The following PLXNA4 variants were observed in gnomAD, a reference collection of about 807,000 sequenced individuals.
PLXNA4 encodes plexin A4, also known as plexin-A4.
A neutral mutation model predicts 191.8 loss-of-function variants in PLXNA4; 44 were observed. The observed-to-expected ratio is 0.23, with a 90% CI of 0.18 to 0.29. The LOEUF (loss-of-function observed/expected upper bound fraction) is 0.29, where lower values mean the gene tolerates loss of function less well. Among genes scored for constraint, PLXNA4 ranks in the 10% least tolerant of loss-of-function variants. The pLI is 1.00. For missense variants in PLXNA4, 1,800 were observed against 2,488.8 expected (o/e 0.72, Z 5.89); for synonymous variants, 1,082 against 1,009.5 (o/e 1.07, Z -1.36).
At chr7:132,410,586 A>G (rs534527594) in intron 3 of PLXNA4, among the ~76,000 whole-genome samples, 2 of 152,320 alleles carry the variant, frequency 1.3e-5, no homozygotes, top group Admixed American at 6.5e-5. Context: ...TGACAACCAG[A>G]GAGGCTGGTG....
chr7:132,268,405 A>G (rs780100437), intron 4 of PLXNA4, among the ~76,000 whole-genome samples: 5 of 152,168 alleles, frequency 3.3e-5, no homozygotes, highest in Non-Finnish European at 5.9e-5. Context: ...TCCCAAATAT[A>G]AGACTGGCTT....
intron 1 of PLXNA4, among the ~76,000 whole-genome samples, chr7:132,556,338 G>T (rs74513854): frequency 6.6e-6 from 1 of 152,010 alleles, no homozygotes; most frequent in Non-Finnish European, 1.5e-5. Context: ...ACCCTTCCCC[G>T]GCACACTAGT....
intron 8 of PLXNA4, 148 bp from the exon 9 acceptor site, chr7:132,223,789 A>G: frequency 1.6e-6 from 1 of 633,090 alleles, no homozygotes. Flanking sequence ...ATGCACATCT[A>G]TCCCTTTACT....
At chr7:132,376,587 C>A (rs551556056) in intron 3 of PLXNA4, among the ~76,000 whole-genome samples, 1 of 152,192 alleles carries the variant, frequency 6.6e-6, no homozygotes, top group Non-Finnish European at 1.5e-5. Context: ...TCCCAGGAAG[C>A]GATTTGCTCA....
intron 3 of PLXNA4, among the ~76,000 whole-genome samples, chr7:132,414,749 T>C (rs977090182): frequency 6.6e-6 from 1 of 152,112 alleles, no homozygotes; most frequent in Non-Finnish European, 1.5e-5. Context: ...ACAGAGACAC[T>C]GGCAAGAGGC....
intron 17 of PLXNA4, 49 bp downstream of exon 17, chr7:132,182,048 A>T (rs1481569875): frequency 6.2e-7 from 1 of 1,613,604 alleles, no homozygotes; most frequent in South Asian, 1.1e-5. Flanking sequence ...TTGGGGAAGC[A>T]ACGTGTTGCA....
chr7:132,282,437 G>A (rs1279122474), intron 4 of PLXNA4, among the ~76,000 whole-genome samples: 1 of 151,290 alleles, frequency 6.6e-6, no homozygotes, highest in South Asian at 2.1e-4. Context: ...ATTGGGCATG[G>A]TGATGCCCTG....
intron 4 of PLXNA4, among the ~76,000 whole-genome samples, chr7:132,250,829 A>G (rs1216843984): frequency 6.6e-6 from 1 of 152,214 alleles, no homozygotes; most frequent in South Asian, 2.1e-4. Flanking sequence ...GTCCAAGGCT[A>G]CATGGCTACC....
At chr7:132,495,177 C>T (rs1313809438) in intron 2 of PLXNA4, among the ~76,000 whole-genome samples, 1 of 152,188 alleles carries the variant, frequency 6.6e-6, no homozygotes, top group East Asian at 1.9e-4. Flanking sequence ...CCTGATTGCA[C>T]CTCCTCTGCC....
At chr7:132,468,159 AG>A (rs1201949143) in intron 3 of PLXNA4, among the ~76,000 whole-genome samples, 1 of 152,228 alleles carries the variant, frequency 6.6e-6, no homozygotes, top group Non-Finnish European at 1.5e-5. Context: ...ACTGGGCCTA[AG>A]ATAAGCCTCA....
At chr7:132,186,492 C>T (rs530890922) in intron 15 of PLXNA4, among the ~76,000 whole-genome samples, 3 of 152,172 alleles carry the variant, frequency 2.0e-5, no homozygotes, top group African/African-American at 4.8e-5. Context: ...TGGAGCCCAT[C>T]CAGGGAAGGG....
At chr7:132,261,403 C>A (rs1272943035) in intron 4 of PLXNA4, among the ~76,000 whole-genome samples, 1 of 152,240 alleles carries the variant, frequency 6.6e-6, no homozygotes, top group Non-Finnish European at 1.5e-5. Context: ...AGTGTGTGCA[C>A]ATGTGGGAGT....
intron 3 of PLXNA4, among the ~76,000 whole-genome samples, chr7:132,323,912 G>T (rs1382291967): frequency 1.3e-5 from 2 of 152,104 alleles, no homozygotes; most frequent in African/African-American, 4.8e-5. Context: ...AAGCAGAAAT[G>T]ATGCAATTCT....
At chr7:132,315,422 AG>A (rs1414449599) in intron 3 of PLXNA4, among the ~76,000 whole-genome samples, 1 of 152,244 alleles carries the variant, frequency 6.6e-6, no homozygotes, top group Non-Finnish European at 1.5e-5. Flanking sequence ...ACACATAGTA[AG>A]GACACAATAA....
chr7:132,409,203 TC>T (rs1269316141), intron 3 of PLXNA4, among the ~76,000 whole-genome samples: 1 of 151,750 alleles, frequency 6.6e-6, no homozygotes, highest in African/African-American at 2.4e-5. Context: ...AAGCCAGAAA[TC>T]CAGGTTAGGG....
chr7:132,179,992 C>T, intron 19 of PLXNA4, 71 bp from the exon 20 acceptor site: 2 of 1,507,462 alleles, frequency 1.3e-6, no homozygotes, highest in Non-Finnish European at 1.8e-6. Context: ...CCCAAGTTAC[C>T]CATGAACTAG....
intron 16 of PLXNA4, among the ~76,000 whole-genome samples, 159 bp from the exon 17 acceptor site, chr7:132,182,349 A>T (rs1796737223): frequency 1.3e-5 from 2 of 152,218 alleles, no homozygotes; most frequent in South Asian, 4.1e-4. Flanking sequence ...CATAGTAATA[A>T]GGATGAGTAT....
rs112853328 is a variant in PLXNA4, at chr7:132,385,725, C to G, written c.1372-87503G>C. On this transcript the variant is annotated intron_variant, in intron 3 of 31. Transcript: ENST00000321063. Reference sequence around the variant, plus strand: ...ATGCAAGTGCATGCGCGCACACACACGCGTGCGCATGCACACATGGATGCA... The same window carrying G: ...ATGCAAGTGCATGCGCGCACACACAGGCGTGCGCATGCACACATGGATGCA... Among the ~76,000 whole-genome samples the G allele has an allele frequency of 8.4e-3, 1,279 of 152,342 alleles. 22 individuals carry two copies. The highest frequency in any genetic ancestry group is 0.029 in the African/African-American group (1,207 of 41,578).
intron 21 of PLXNA4, among the ~76,000 whole-genome samples, chr7:132,171,486 G>C (rs923616217): frequency 1.3e-5 from 2 of 152,156 alleles, no homozygotes; most frequent in South Asian, 4.1e-4. Context: ...TCCCGTGCAG[G>C]GCCTCCCACC....
Sources: gnomAD v4.1 joint callset for allele counts (sites outside exome capture counted in the v4.1 genomes callset) on GRCh38, gnomAD v4.1.1 for gene constraint, MANE v1.5 for transcripts, NCBI Gene and HGNC (gene_info 2026-07-23, HGNC 2026-07-21) for gene names.